The following GABRR3 variants were observed in gnomAD, a reference collection of about 807,000 sequenced individuals.
The protein encoded by GABRR3 is gamma-aminobutyric acid receptor subunit rho-3.
A neutral mutation model predicts 43.2 loss-of-function variants in GABRR3; 29 were observed. The observed-to-expected ratio is 0.67, with a 90% CI of 0.50 to 0.92. The LOEUF (loss-of-function observed/expected upper bound fraction) is 0.92, where lower values mean the gene tolerates loss of function less well. Among genes scored for constraint, GABRR3 ranks in the 40% least tolerant of loss-of-function variants. The probability of loss-of-function intolerance (pLI) is 0.00; values close to 1 mark genes in which losing one functional copy is unlikely to be tolerated. For synonymous variants in GABRR3, 206 were observed against 195.9 expected (o/e 1.05, Z -0.43); for missense variants, 576 against 572.3 (o/e 1.01, Z -0.07).
intron 7 of GABRR3, among the ~76,000 whole-genome samples, chr3:98,002,313 T>C (rs1335866020): frequency 2.6e-5 from 4 of 152,180 alleles, no homozygotes; most frequent in Non-Finnish European, 4.4e-5. Flanking sequence ...AATTTGTGCA[T>C]GATGAATCTG....
chr3:98,001,834 T>G (rs1706648079), intron 7 of GABRR3, 67 bp from the exon 8 acceptor site: 1 of 1,560,022 alleles, frequency 6.4e-7, no homozygotes, highest in Non-Finnish European at 8.8e-7. Context: ...CTTAGTGAAA[T>G]GACCTGCTTC....
At chr3:98,034,776 A>G in intron 2 of GABRR3, 87 bp downstream of exon 2, 1 of 1,491,668 alleles carries the variant, frequency 6.7e-7, no homozygotes, top group Non-Finnish European at 9.2e-7. Context: ...ACCATTAAAG[A>G]TACGTTTCCA....
chr3:97,992,754 T>C, intron 9 of GABRR3, 98 bp downstream of exon 9: 1 of 1,137,150 alleles, frequency 8.8e-7, no homozygotes, highest in Non-Finnish European at 1.2e-6. Flanking sequence ...CATATGGACT[T>C]AATACAAAGG....
rs926571180 is a variant in GABRR3 at position 97,992,202 on chromosome 3, G to C, written c.1104+650C>G. On this transcript the variant is annotated intron_variant, in intron 9 of 9. Transcript: ENST00000621172. ...CACCTCATTCCTAGGATACTGTGGG[G>C]GGAAGAACCTCCCTTTATGCTCTAC... Among the ~76,000 whole-genome samples the C allele has an allele frequency of 2.0e-5, 3 of 152,008 alleles. No individual in the cohort carries two copies. In the East Asian group the frequency reaches 5.8e-4, roughly 29 times the overall value.
chr3:98,001,916 T>A, intron 7 of GABRR3, 149 bp from the exon 8 acceptor site: 1 of 739,414 alleles, frequency 1.4e-6, no homozygotes, highest in Middle Eastern at 3.1e-4. Flanking sequence ...TGGCACTCCA[T>A]CAACATTTGT....
At chr3:98,001,949 G>T in intron 7 of GABRR3, 182 bp from the exon 8 acceptor site, 1 of 177,138 alleles carries the variant, frequency 5.6e-6, no homozygotes, top group Non-Finnish European at 1.1e-5. Flanking sequence ...ACTGCAGTCT[G>T]CTTAATTATT....
chr3:98,018,837 T>A (rs1353697535), intron 3 of GABRR3, among the ~76,000 whole-genome samples: 2 of 151,948 alleles, frequency 1.3e-5, no homozygotes, highest in African/African-American at 4.8e-5. Context: ...AGGCCGGGCG[T>A]GGTGGCTCAC....
intron 8 of GABRR3, among the ~76,000 whole-genome samples, chr3:97,995,737 C>T (rs965399695): frequency 6.6e-6 from 1 of 152,136 alleles, no homozygotes; most frequent in African/African-American, 2.4e-5. Flanking sequence ...ATTAAATACA[C>T]TTATTATATC....
At chr3:98,017,832 GT>G (rs1452559297) in intron 3 of GABRR3, 110 bp from the exon 4 acceptor site, 5 of 715,256 alleles carry the variant, frequency 7.0e-6, no homozygotes, top group Middle Eastern at 4.8e-4. Flanking sequence ...TACTGTTAAA[GT>G]TTTTTTAAAC....
chr3:97,989,613 C>T (rs1184868705), intron 9 of GABRR3, among the ~76,000 whole-genome samples: 1 of 151,924 alleles, frequency 6.6e-6, no homozygotes, highest in African/African-American at 2.4e-5. Context: ...CCTAACATTC[C>T]AGCCCTTTCT....
intron 8 of GABRR3, among the ~76,000 whole-genome samples, chr3:97,994,999 A>T (rs547722722): frequency 6.6e-6 from 1 of 150,878 alleles, no homozygotes; most frequent in Admixed American, 6.6e-5. Context: ...TTTTTTTGAG[A>T]TGGAGTTTTG....
At chr3:98,033,947 C>T (rs558820853) in intron 2 of GABRR3, among the ~76,000 whole-genome samples, 12 of 152,192 alleles carry the variant, frequency 7.9e-5, no homozygotes, top group Non-Finnish European at 1.3e-4. Context: ...AGATATTTAT[C>T]AAAATTTTAT....
At chr3:98,022,672 T>G (rs1706962709) in intron 3 of GABRR3, among the ~76,000 whole-genome samples, 1 of 152,084 alleles carries the variant, frequency 6.6e-6, no homozygotes, top group African/African-American at 2.4e-5. Context: ...TGACTGAATT[T>G]ATGAAGATTT....
At chr3:98,014,067 TAAAC>T (rs1016885488) in intron 4 of GABRR3, among the ~76,000 whole-genome samples, 2 of 151,828 alleles carry the variant, frequency 1.3e-5, no homozygotes, top group African/African-American at 4.8e-5. Context: ...CAAAAACAAA[TAAAC>T]AAACCAACAA....
At chr3:98,029,909 A>G (rs147374708) in intron 2 of GABRR3, among the ~76,000 whole-genome samples, 1 of 152,134 alleles carries the variant, frequency 6.6e-6, no homozygotes, top group African/African-American at 2.4e-5. Context: ...TGAGGTCAGG[A>G]GTTCGAGACC....
chr3:97,991,660 C>G (rs1038105561), intron 9 of GABRR3, among the ~76,000 whole-genome samples: 1 of 152,196 alleles, frequency 6.6e-6, no homozygotes, highest in Admixed American at 6.5e-5. Flanking sequence ...TGGCAAATCA[C>G]TTCATTTCAC....
chr3:98,021,046 G>C (rs1214785875), intron 3 of GABRR3, among the ~76,000 whole-genome samples: 1 of 151,204 alleles, frequency 6.6e-6, no homozygotes, highest in Non-Finnish European at 1.5e-5. Flanking sequence ...TTTATTTTTA[G>C]TAGAGACTGG....
chr3:98,019,216 C>T (rs1205057546), intron 3 of GABRR3, among the ~76,000 whole-genome samples: 1 of 152,114 alleles, frequency 6.6e-6, no homozygotes, highest in Non-Finnish European at 1.5e-5. Context: ...GAAAAGCTTC[C>T]TTAATGAGGC....
At chr3:97,987,229 T>G (rs181520486) in intron 9 of GABRR3, among the ~76,000 whole-genome samples, 266 of 152,314 alleles carry the variant, frequency 1.7e-3, no homozygotes, top group Non-Finnish European at 2.5e-3. Context: ...GGGGATGGGA[T>G]AGGGAAAGAC....
Sources: allele counts gnomAD v4.1 joint callset (sites outside exome capture counted in the v4.1 genomes callset), GRCh38; gene constraint gnomAD v4.1.1; transcripts MANE v1.5; gene names NCBI Gene and HGNC (gene_info 2026-07-23, HGNC 2026-07-21).